The following STPG2 variants were observed in gnomAD, a reference collection of about 807,000 sequenced individuals.
The protein encoded by STPG2 is sperm-tail PG-rich repeat-containing protein 2.
Under a neutral mutation model 54.2 loss-of-function variants are expected in STPG2, and 56 were observed. The observed-to-expected ratio is 1.03, with a 90% CI of 0.83 to 1.29. The LOEUF (loss-of-function observed/expected upper bound fraction) is 1.29. Among genes scored for constraint, STPG2 ranks in the 50% most tolerant of loss-of-function variants. STPG2 has a pLI of 0.00. For missense variants in STPG2, 596 were observed against 544.9 expected (o/e 1.09, Z -0.93); for synonymous variants, 200 against 181.8 (o/e 1.10, Z -0.81).
intron 7 of STPG2, among the ~76,000 whole-genome samples, chr4:97,949,648 T>A (rs1733390869): frequency 6.6e-6 from 1 of 152,040 alleles, no homozygotes; most frequent in Admixed American, 6.6e-5. Flanking sequence ...AATGACGTAG[T>A]TTTGCTGGAT....
intron 9 of STPG2, among the ~76,000 whole-genome samples, chr4:97,819,318 A>G (rs1204394204): frequency 2.0e-5 from 3 of 152,116 alleles, no homozygotes; most frequent in African/African-American, 7.2e-5. Flanking sequence ...CTGAGAAAAC[A>G]GAATAAATAA....
At chr4:98,074,601 A>G (rs1162386296) in intron 5 of STPG2, among the ~76,000 whole-genome samples, 1 of 152,032 alleles carries the variant, frequency 6.6e-6, no homozygotes, top group African/African-American at 2.4e-5. Flanking sequence ...TATACCTTCT[A>G]TTCTTTTACT....
rs189501447 is a variant in STPG2, at chr4:97,816,498, C to A, written c.1204+24275G>T. Reference sequence around the variant, plus strand: ...TTGAGCAAATTTACACTCCCACCAACAGTGTAAAAGCATTCCTATTTCAGA... The same window carrying A: ...TTGAGCAAATTTACACTCCCACCAAAAGTGTAAAAGCATTCCTATTTCAGA... On this transcript the variant is annotated intron_variant, in intron 9 of 10. Transcript: ENST00000295268. 4.3e-3 allele frequency among the ~76,000 whole-genome samples: 651 copies of A among 152,290 alleles called. 7 individuals are homozygous for A. Among genetic ancestry groups the A allele is most frequent in the Non-Finnish European group, 4.9e-3 (330 of 68,026 alleles).
intron 9 of STPG2, among the ~76,000 whole-genome samples, chr4:97,729,747 A>G (rs190152977): frequency 1.9e-3 from 294 of 152,286 alleles, no homozygotes; most frequent in Non-Finnish European, 3.2e-3. Context: ...GAAAAATACT[A>G]AAGGACCCAG....
At position 98,128,556 on chromosome 4, in the gene STPG2, C is replaced by A. The variant is rs375502654; in HGVS notation, c.259G>T (p.Asp87Tyr). 6.2e-7 allele frequency: 1 copy of A among 1,610,808 alleles called. No homozygotes were observed. The highest frequency in any genetic ancestry group is 1.3e-5 in the African/African-American group (1 of 74,744). Residue 87 changes from aspartate (D) to tyrosine (Y), a missense_variant, in exon 3 of 11, where the codon GAT becomes TAT. Physicochemically the swap from Asp to Tyr is radical, Grantham distance 160 (BLOSUM62 -3). Transcript: ENST00000295268. ...SRSPTLTRSVDVPSIPSCGKS... is the reference protein window; with the variant it reads ...SRSPTLTRSVYVPSIPSCGKS... The stretch of plus-strand genomic sequence containing the variant: ...CCACAAGAAGGAATTGAAGGAACAT[C>A]AACACTTCTGGTAAGTGTAGGTGAT...
chr4:97,570,055 T>C (rs60023279), intron 10 of STPG2, among the ~76,000 whole-genome samples: 16,249 of 152,020 alleles, frequency 0.11, 2,579 homozygotes, highest in African/African-American at 0.35. Flanking sequence ...TGAGAAACAT[T>C]TCTCAATTTT....
At position 97,997,445 on chromosome 4, in the gene STPG2, G is replaced by A. The variant is rs1294217086; in HGVS notation, c.613-16127C>T. On this transcript the variant is annotated intron_variant, in intron 5 of 10. Coordinates refer to ENST00000295268, the MANE Select transcript of STPG2 (RefSeq NM_174952.3). ...AATGGGGAAGGTGTTACTTTTAAAT[G>A]GCCAGATCTCACGAGAACTCACCCA... Among the ~76,000 whole-genome samples, 3 of 152,228 alleles carry A rather than the reference G, an allele frequency of 2.0e-5. No homozygotes were observed. The East Asian group carries it at 5.8e-4, about 29-fold the overall frequency.
intron 3 of STPG2, among the ~76,000 whole-genome samples, chr4:98,120,719 T>G (rs895743019): frequency 2.0e-5 from 3 of 152,184 alleles, no homozygotes; most frequent in African/African-American, 7.2e-5. Context: ...TTTTGAGGAG[T>G]GTCTGTTCAT....
At chr4:98,028,902 T>C (rs565418764) in intron 5 of STPG2, among the ~76,000 whole-genome samples, 1 of 152,164 alleles carries the variant, frequency 6.6e-6, no homozygotes, top group Non-Finnish European at 1.5e-5. Context: ...TCACATAGCT[T>C]GAAATATTTT....
rs190940645 is a variant in STPG2 at position 97,911,205 on chromosome 4, T to A, written c.1044+32692A>T. Among the ~76,000 whole-genome samples the A allele has an allele frequency of 7.2e-5, 11 of 152,346 alleles. No homozygotes were observed. The East Asian group carries it at 2.1e-3, about 29-fold the overall frequency. On this transcript the variant is annotated intron_variant, in intron 8 of 10. Coordinates refer to ENST00000295268, the MANE Select transcript of STPG2 (RefSeq NM_174952.3). ...GGGCCTTGGGTGAAAAGCACAGAGC[T>A]GTGCAGACTGTCAGCGGCTGATCTG...
chr4:97,865,140 T>C (rs1392875952), intron 8 of STPG2, among the ~76,000 whole-genome samples: 1 of 152,004 alleles, frequency 6.6e-6, no homozygotes, highest in Non-Finnish European at 1.5e-5. Flanking sequence ...GAAACTATCA[T>C]CAGAGTGAAC....
In STPG2 at chr4:97,760,553, C is replaced by T. The variant is rs192024909; in HGVS notation, c.1205-47739G>A. ...ATATAGTCTTTAAAATTCCATCCAACCCTACAAGTCAATAATTCTGTGGTT... is the reference window on the plus strand; with the variant it reads ...ATATAGTCTTTAAAATTCCATCCAATCCTACAAGTCAATAATTCTGTGGTT... On this transcript the variant is annotated intron_variant, in intron 9 of 10. Coordinates refer to ENST00000295268, the MANE Select transcript of STPG2 (RefSeq NM_174952.3). Among the ~76,000 whole-genome samples, 552 of 152,150 alleles carry T rather than the reference C, an allele frequency of 3.6e-3. 2 individuals are homozygous for T. The highest frequency in any genetic ancestry group is 0.01 in the Middle Eastern group (3 of 294).
chr4:97,872,160 T>A (rs1016239716), intron 8 of STPG2, among the ~76,000 whole-genome samples: 1 of 151,080 alleles, frequency 6.6e-6, no homozygotes, highest in Non-Finnish European at 1.5e-5. Flanking sequence ...AAAATATATA[T>A]GCTTAGTTAC....
At chr4:97,875,868 C>A (rs1357275844) in intron 8 of STPG2, among the ~76,000 whole-genome samples, 1 of 151,556 alleles carries the variant, frequency 6.6e-6, no homozygotes, top group Admixed American at 6.6e-5. Flanking sequence ...CATAAATATA[C>A]AACAAAATGT....
intron 5 of STPG2, among the ~76,000 whole-genome samples, chr4:98,100,811 G>C (rs1044569585): frequency 6.6e-6 from 1 of 151,732 alleles, no homozygotes; most frequent in Non-Finnish European, 1.5e-5. Flanking sequence ...GAGTATCTGG[G>C]ATTACAGGCA....
At chr4:98,075,077 G>A (rs1228320174) in intron 5 of STPG2, among the ~76,000 whole-genome samples, 1 of 152,168 alleles carries the variant, frequency 6.6e-6, no homozygotes, top group Non-Finnish European at 1.5e-5. Context: ...AAATCTTTGT[G>A]ATTGCTGATG....
chr4:97,539,750 A>C (rs1731644266), intron 4 of STPG2, among the ~76,000 whole-genome samples: 1 of 152,152 alleles, frequency 6.6e-6, no homozygotes, highest in South Asian at 2.1e-4. Flanking sequence ...CAGAATATAC[A>C]TTCTTCTCAG....
intron 9 of STPG2, among the ~76,000 whole-genome samples, chr4:97,715,374 T>C (rs1257779743): frequency 1.3e-5 from 2 of 152,144 alleles, no homozygotes; most frequent in African/African-American, 2.4e-5. Flanking sequence ...TAGTGTATAA[T>C]GGGAAATTCA....
At chr4:97,533,103 G>C (rs1406288620) in intron 4 of STPG2, among the ~76,000 whole-genome samples, 1 of 151,904 alleles carries the variant, frequency 6.6e-6, no homozygotes, top group Non-Finnish European at 1.5e-5. Context: ...GGATGGTTTC[G>C]ATCTTCTGAC....
Sources: gnomAD v4.1 joint callset for allele counts (sites outside exome capture counted in the v4.1 genomes callset) on GRCh38, gnomAD v4.1.1 for gene constraint, MANE v1.5 for transcripts, NCBI Gene and HGNC (gene_info 2026-07-23, HGNC 2026-07-21) for gene names.